The following CRYBG1 variants were observed in gnomAD, a reference collection of about 807,000 sequenced individuals.
CRYBG1 encodes the protein beta/gamma crystallin domain-containing protein 1.
CRYBG1 carries 139 observed loss-of-function variants against 189.2 expected under a neutral mutation model. The ratio of observed to expected loss-of-function variants is 0.73; its 90% CI spans 0.64 to 0.85. CRYBG1 has a LOEUF of 0.85. CRYBG1 is among the 40% of genes least tolerant of loss of function. CRYBG1 has a pLI of 0.00. For synonymous variants in CRYBG1, 1,023 were observed against 1,017.1 expected (o/e 1.01, Z -0.11); for missense variants, 2,611 against 2,675.8 (o/e 0.98, Z 0.53).
intron 3 of CRYBG1, among the ~76,000 whole-genome samples, chr6:106,517,476 AT>A (rs928134224): frequency 2.7e-5 from 4 of 146,312 alleles, no homozygotes; most frequent in African/African-American, 5.1e-5. Context: ...ACACACACAT[AT>A]ATATATACAC....
In CRYBG1 at chr6:106,512,468, G is replaced by C; in HGVS notation, c.1351G>C (p.Glu451Gln). The stretch of plus-strand genomic sequence containing the variant: ...CAGGGACGACGCGGTGTTCGACGAC[G>C]AGGTGGCGCCAAACGCGGCCAGCGA... ...AARDDAVFDD[E>Q]VAPNAASDNA... Residue 451 changes from glutamate (E) to glutamine (Q), a missense_variant, in exon 3 of 22, where the codon GAG (glutamate) becomes CAG (glutamine). Coordinates refer to ENST00000633556, the MANE Select transcript of CRYBG1 (RefSeq NM_001371242.2). 1.2e-6 allele frequency: 2 copies of C among 1,611,246 alleles called. No homozygotes were observed. Among genetic ancestry groups the C allele is most frequent in the Non-Finnish European group, 1.7e-6 (2 of 1,179,118 alleles).
chr6:106,462,906 C>T (rs1372313659), intron 2 of CRYBG1, among the ~76,000 whole-genome samples: 1 of 152,178 alleles, frequency 6.6e-6, no homozygotes, highest in Non-Finnish European at 1.5e-5. Flanking sequence ...GTAATCCCAG[C>T]AGTTTGGGAA....
At chr6:106,442,369 G>A (rs2114423185) in intron 1 of CRYBG1, among the ~76,000 whole-genome samples, 1 of 152,308 alleles carries the variant, frequency 6.6e-6, no homozygotes, top group Non-Finnish European at 1.5e-5. Context: ...GAGTTTAAGA[G>A]ACTCTTACTA....
chr6:106,562,954 G>A (rs1774768214), intron 20 of CRYBG1, among the ~76,000 whole-genome samples: 1 of 152,158 alleles, frequency 6.6e-6, no homozygotes. Flanking sequence ...AGCCTCCTGA[G>A]TAGCTGGGGC....
At chr6:106,439,008 T>C in intron 1 of CRYBG1, among the ~76,000 whole-genome samples, 1 of 145,890 alleles carries the variant, frequency 6.9e-6, no homozygotes, top group East Asian at 2.0e-4. Flanking sequence ...GAAACCAGCC[T>C]GGGAAACATA....
chr6:106,480,069 TTTGAG>T (rs1772411140), intron 2 of CRYBG1, among the ~76,000 whole-genome samples: 1 of 152,184 alleles, frequency 6.6e-6, no homozygotes, highest in Non-Finnish European at 1.5e-5. Flanking sequence ...TCTGATCCAT[TTTGAG>T]TTATTTTTTG....
At chr6:106,494,475 T>G (rs545095416) in intron 2 of CRYBG1, among the ~76,000 whole-genome samples, 1 of 152,296 alleles carries the variant, frequency 6.6e-6, no homozygotes, top group Admixed American at 6.5e-5. Context: ...AGCCAGCAGA[T>G]GCTTAATATA....
In CRYBG1 at chr6:106,553,449, T is replaced by G; in HGVS notation, c.5473-6T>G. 6.3e-7 allele frequency: 1 copy of G among 1,588,634 alleles called. No individual in the cohort carries two copies. The highest frequency in any genetic ancestry group is 8.6e-7 in the Non-Finnish European group (1 of 1,157,394). ...ATTTTATGTGTTTCTGTTTACTTTT[T>G]CAAAGATTCACTTGTTTTCAGAACC... On this transcript the variant is annotated splice_polypyrimidine_tract_variant and splice_region_variant and intron_variant, in intron 15 of 21. Coordinates refer to ENST00000633556, the MANE Select transcript of CRYBG1 (RefSeq NM_001371242.2).
At chr6:106,543,355 A>G in intron 10 of CRYBG1, 85 bp from the exon 11 acceptor site, 1 of 1,359,190 alleles carries the variant, frequency 7.4e-7, no homozygotes, top group South Asian at 1.3e-5. Context: ...GTGTGTCAGG[A>G]CTTAGTGATA....
intron 2 of CRYBG1, among the ~76,000 whole-genome samples, chr6:106,492,406 G>C (rs1233331082): frequency 6.6e-6 from 1 of 152,108 alleles, no homozygotes; most frequent in African/African-American, 2.4e-5. Context: ...TTTATAATAT[G>C]AATGATTGTT....
Position 106,371,863 on chromosome 6 carries a change from G to T in CRYBG1, c.173+10782G>T, listed in dbSNP as rs115711261. On this transcript the variant is annotated intron_variant, in intron 1 of 21. Coordinates refer to ENST00000633556, the MANE Select transcript of CRYBG1 (RefSeq NM_001371242.2). Reference sequence around the variant, plus strand: ...GTACTTTGGCCTAGAAGTCTTAGTAGCTAGGTGCATTGCTGGCACTTAATT... The same window carrying T: ...GTACTTTGGCCTAGAAGTCTTAGTATCTAGGTGCATTGCTGGCACTTAATT... 2.4e-3 allele frequency among the ~76,000 whole-genome samples: 363 copies of T among 152,326 alleles called. 1 individual carries two copies. The highest frequency in any genetic ancestry group is 8.5e-3 in the African/African-American group (354 of 41,578).
intron 2 of CRYBG1, among the ~76,000 whole-genome samples, chr6:106,475,165 A>G (rs576316660): frequency 6.6e-6 from 1 of 152,332 alleles, no homozygotes; most frequent in African/African-American, 2.4e-5. Flanking sequence ...AATGTTTCAA[A>G]TGCCAGATCT....
At chr6:106,471,816 A>AAG (rs71553783) in intron 2 of CRYBG1, among the ~76,000 whole-genome samples, 1 of 149,440 alleles carries the variant, frequency 6.7e-6, no homozygotes, top group Admixed American at 6.7e-5. Context: ...AAAAAAAAAA[A>AAG]GAAGAAGAAA....
At chr6:106,458,657 T>C (rs1002910976) in intron 2 of CRYBG1, among the ~76,000 whole-genome samples, 1 of 152,226 alleles carries the variant, frequency 6.6e-6, no homozygotes, top group East Asian at 1.9e-4. Flanking sequence ...AGTTCTAGTA[T>C]GAACTTTACT....
intron 13 of CRYBG1, among the ~76,000 whole-genome samples, chr6:106,549,809 T>C (rs1323875808): frequency 1.3e-5 from 2 of 152,154 alleles, no homozygotes; most frequent in Non-Finnish European, 2.9e-5. Context: ...TTGATGGCTG[T>C]TCATATTCTA....
In CRYBG1 at chr6:106,360,786, G is replaced by T; in HGVS notation, c.-123G>T. On this transcript the variant is annotated 5_prime_UTR_variant, in exon 1 of 22. Transcript: ENST00000633556. ...CCGTCCCCCCGCATCCGCGACGAGG[G>T]GGCGGGGTCCCACGGCGCGCTGAGA... is the stretch of plus-strand genomic sequence containing the variant. 1 of 1,195,662 alleles carries T rather than the reference G, an allele frequency of 8.4e-7. No homozygotes were observed. The highest frequency in any genetic ancestry group is 1.1e-6 in the Non-Finnish European group (1 of 896,838). The allele number at this position is 1,195,662 out of a possible 1,614,324, so 74.1% of individuals were successfully genotyped here. A position where few individuals can be genotyped will look rare whatever the true frequency, so the allele number is the denominator to read the frequency against.
intron 8 of CRYBG1, among the ~76,000 whole-genome samples, chr6:106,534,000 A>G (rs1431287021): frequency 6.6e-6 from 1 of 152,218 alleles, no homozygotes; most frequent in Non-Finnish European, 1.5e-5. Context: ...AAAAGTGGGA[A>G]TCTAAGCAAA....
chr6:106,441,266 C>T (rs1562308147), intron 1 of CRYBG1, among the ~76,000 whole-genome samples: 1 of 152,176 alleles, frequency 6.6e-6, no homozygotes, highest in Non-Finnish European at 1.5e-5. Flanking sequence ...TTGGAACACC[C>T]TTAGGGTGGG....
At chr6:106,496,826 AGAC>A (rs996658747) in intron 2 of CRYBG1, among the ~76,000 whole-genome samples, 5 of 152,212 alleles carry the variant, frequency 3.3e-5, no homozygotes, top group African/African-American at 1.2e-4. Context: ...GTGGCTAGTG[AGAC>A]GACATTTTAA....
Sources: gnomAD v4.1 joint callset for allele counts (sites outside exome capture counted in the v4.1 genomes callset) on GRCh38, gnomAD v4.1.1 for gene constraint, MANE v1.5 for transcripts, NCBI Gene and HGNC (gene_info 2026-07-23, HGNC 2026-07-21) for gene names.